SLC38A6: variants seen among roughly 807,000 people sequenced by gnomAD.
The protein encoded by SLC38A6 is N system amino acid transporter NAT-1.
Under a neutral mutation model 65.0 loss-of-function variants are expected in SLC38A6, and 73 were observed. The observed-to-expected ratio is 1.12, with a 90% CI of 0.93 to 1.37. SLC38A6 has a LOEUF of 1.37. Ranked by LOEUF, SLC38A6 falls within the 40% of genes most tolerant of loss-of-function variation. The pLI is 0.00. For missense variants in SLC38A6, 561 were observed against 531.1 expected, an observed-to-expected ratio of 1.06 and a Z score of -0.55; for synonymous variants, 183 against 178.8, an observed-to-expected ratio of 1.02 and a Z score of -0.19.
intron 15 of SLC38A6, among the ~76,000 whole-genome samples, chr14:61,064,353 C>A (rs1441635664): frequency 6.6e-6 from 1 of 151,946 alleles, no homozygotes; most frequent in Non-Finnish European, 1.5e-5. Flanking sequence ...CCAAAATAAC[C>A]CTAAATCTGC....
Position 61,029,176 on chromosome 14 carries a change from G to C in SLC38A6, c.404-1269G>C, listed in dbSNP as rs1303516758. 2.9e-5 allele frequency among the ~76,000 whole-genome samples: 4 copies of C among 139,726 alleles called. No individual in the cohort carries two copies. In the South Asian group the frequency reaches 9.1e-4, roughly 32 times the overall value. The allele number at this position is 139,726 out of a possible 152,430, so 91.7% of individuals were successfully genotyped here. A position where few individuals can be genotyped will look rare whatever the true frequency, so the allele number is the denominator to read the frequency against. ...TATTCTTTTTTTTTTTTTTTTTTGA[G>C]GTGGAATTTTGCTCTTTCACCCAGG... On this transcript the variant is annotated intron_variant, in intron 5 of 15. Transcript: ENST00000267488.
chr14:61,001,795 T>C (rs532127362), intron 3 of SLC38A6, among the ~76,000 whole-genome samples: 30 of 152,300 alleles, frequency 2.0e-4, no homozygotes, highest in African/African-American at 7.2e-4. Context: ...TATATTCGAT[T>C]GTCCTTTCAT....
chr14:61,062,254 A>G (rs1464391279), intron 15 of SLC38A6, among the ~76,000 whole-genome samples: 1 of 152,220 alleles, frequency 6.6e-6, no homozygotes, highest in Non-Finnish European at 1.5e-5. Flanking sequence ...ACTACCTTCC[A>G]AAATGGCTGT....
intron 15 of SLC38A6, among the ~76,000 whole-genome samples, chr14:61,067,120 A>G (rs1350292639): frequency 2.0e-5 from 3 of 152,226 alleles, no homozygotes; most frequent in Admixed American, 1.3e-4. Flanking sequence ...GTTTTTAAAA[A>G]AAGATTTTGG....
At chr14:61,019,871 GA>G (rs2040248246) in intron 5 of SLC38A6, among the ~76,000 whole-genome samples, 1 of 152,056 alleles carries the variant, frequency 6.6e-6, no homozygotes, top group Admixed American at 6.6e-5. Context: ...ATACAGTCTG[GA>G]AAAGCTCTCC....
chr14:61,016,481 A>G (rs539486569), intron 4 of SLC38A6, among the ~76,000 whole-genome samples: 2 of 152,280 alleles, frequency 1.3e-5, no homozygotes, highest in South Asian at 4.1e-4. Flanking sequence ...CTATTATATA[A>G]AGCCAGTACC....
intron 5 of SLC38A6, among the ~76,000 whole-genome samples, chr14:61,026,147 TG>T (rs1412807240): frequency 2.6e-5 from 4 of 152,202 alleles, no homozygotes; most frequent in Non-Finnish European, 4.4e-5. Context: ...AGGGTTGGTT[TG>T]TTTTTTTTAA....
At chr14:61,000,546 G>A (rs1337525454) in intron 3 of SLC38A6, among the ~76,000 whole-genome samples, 1 of 152,146 alleles carries the variant, frequency 6.6e-6, no homozygotes, top group Non-Finnish European at 1.5e-5. Context: ...CAGGAGAATC[G>A]CTTGAACCCG....
chr14:61,037,201 G>T, intron 7 of SLC38A6, 60 bp downstream of exon 7: 1 of 1,288,544 alleles, frequency 7.8e-7, no homozygotes. Flanking sequence ...GGGAGGGAAA[G>T]AGAGACAAAT....
chr14:61,074,579 C>T (rs1036436163), intron 15 of SLC38A6, among the ~76,000 whole-genome samples: 3 of 152,126 alleles, frequency 2.0e-5, no homozygotes, highest in Non-Finnish European at 4.4e-5. Context: ...CTCCCAAAGA[C>T]CCCATCTTGA....
intron 3 of SLC38A6, among the ~76,000 whole-genome samples, chr14:61,006,997 A>T (rs935980929): frequency 1.3e-5 from 2 of 152,254 alleles, no homozygotes; most frequent in Non-Finnish European, 2.9e-5. Context: ...GCAGCCATAA[A>T]AAATGATGAG....
chr14:61,062,229 A>C (rs913494866), intron 15 of SLC38A6, among the ~76,000 whole-genome samples: 1 of 152,194 alleles, frequency 6.6e-6, no homozygotes, highest in Non-Finnish European at 1.5e-5. Flanking sequence ...ATTTAGTTTT[A>C]TGAGAAATTG....
At position 61,039,598 on chromosome 14, in the gene SLC38A6, T is replaced by C. The variant is rs969502463; in HGVS notation, c.624+1915T>C. On this transcript the variant is annotated intron_variant, in intron 8 of 15. Coordinates refer to ENST00000267488, the MANE Select transcript of SLC38A6 (RefSeq NM_153811.3). ...GTTAGCCAGGCAAGTCTTGAACTCCTGACCTCAAGTGATCCACCCACCTCG... is the reference window on the plus strand; with the variant it reads ...GTTAGCCAGGCAAGTCTTGAACTCCCGACCTCAAGTGATCCACCCACCTCG... 4.3e-4 allele frequency among the ~76,000 whole-genome samples: 64 copies of C among 150,434 alleles called. 1 individual carries two copies. The highest frequency in any genetic ancestry group is 1.5e-3 in the African/African-American group (61 of 40,938).
chr14:60,993,841 T>G (rs1007090728), intron 3 of SLC38A6, among the ~76,000 whole-genome samples: 1 of 152,168 alleles, frequency 6.6e-6, no homozygotes, highest in Non-Finnish European at 1.5e-5. Flanking sequence ...GTGAAAGATA[T>G]ATACTAAAAC....
At chr14:61,050,055 G>C (rs990456828) in intron 12 of SLC38A6, among the ~76,000 whole-genome samples, 2 of 152,164 alleles carry the variant, frequency 1.3e-5, no homozygotes, top group East Asian at 1.9e-4. Context: ...AAAAGATGCT[G>C]TCTCTAGCAC....
chr14:61,002,654 C>G (rs1245343554), intron 3 of SLC38A6, among the ~76,000 whole-genome samples: 3 of 152,168 alleles, frequency 2.0e-5, no homozygotes, highest in Non-Finnish European at 4.4e-5. Flanking sequence ...AACTCTTGCT[C>G]TCGCCAAAAT....
At chr14:60,986,290 T>C (rs1041314533) in intron 3 of SLC38A6, among the ~76,000 whole-genome samples, 1 of 152,238 alleles carries the variant, frequency 6.6e-6, no homozygotes, top group Admixed American at 6.5e-5. Flanking sequence ...TCAGGGATTC[T>C]AATTTCAAAA....
intron 8 of SLC38A6, among the ~76,000 whole-genome samples, chr14:61,041,766 G>A (rs1483530716): frequency 6.6e-6 from 1 of 152,106 alleles, no homozygotes; most frequent in African/African-American, 2.4e-5. Context: ...GGGTGTGATG[G>A]CCACACACCT....
At chr14:60,987,177 T>A in intron 3 of SLC38A6, 1 of 286,352 alleles carries the variant, frequency 3.5e-6, no homozygotes, top group South Asian at 3.2e-5. Flanking sequence ...TCCTTTTTTT[T>A]TTTTTTTTCA....
Sources: gnomAD v4.1 joint callset for allele counts (sites outside exome capture counted in the v4.1 genomes callset) on GRCh38, gnomAD v4.1.1 for gene constraint, MANE v1.5 for transcripts, NCBI Gene and HGNC (gene_info 2026-07-23, HGNC 2026-07-21) for gene names.